PPP1R37: variants seen among roughly 807,000 people sequenced by gnomAD.
The protein encoded by PPP1R37 is protein phosphatase 1 regulatory subunit 37, also known as leucine rich repeat containing 68.
PPP1R37 carries 21 observed loss-of-function variants against 61.0 expected under a neutral mutation model. The observed-to-expected ratio is 0.34, with a 90% CI of 0.24 to 0.50. The LOEUF is 0.50. PPP1R37 is among the 20% of genes least tolerant of loss of function. The pLI is 0.98. For synonymous variants in PPP1R37, 443 were observed against 433.5 expected (o/e 1.02, Z -0.27); for missense variants, 910 against 952.7 (o/e 0.96, Z 0.59).
In PPP1R37 at chr19:45,121,921, C is replaced by T. The variant is rs756864447; in HGVS notation, c.203-16593C>T. Among the ~76,000 whole-genome samples the T allele has an allele frequency of 3.7e-4, 57 of 152,116 alleles. No homozygotes were observed. Among genetic ancestry groups the T allele is most frequent in the Non-Finnish European group, 7.6e-4 (52 of 68,012 alleles). ...AGCAGCCTGGGGAAGGGCTTGGAGG[C>T]GGGAGTGAGGATGGTCTCCACGTGG... On this transcript the variant is annotated intron_variant, in intron 1 of 12. Coordinates refer to ENST00000221462, the MANE Select transcript of PPP1R37 (RefSeq NM_019121.2). The surrounding 1 kb of genome is among the most constrained non-coding windows in gnomAD (Gnocchi z 4.2).
chr19:45,144,833 C>T (rs995453381), intron 8 of PPP1R37, 21 bp from the exon 9 acceptor site: 1 of 1,518,682 alleles, frequency 6.6e-7, no homozygotes, highest in Admixed American at 2.0e-5. Flanking sequence ...TCCTCCTCAC[C>T]CTCACACCCC....
At chr19:45,120,420 GCA>G (rs1482845602) in intron 1 of PPP1R37, among the ~76,000 whole-genome samples, 1 of 152,116 alleles carries the variant, frequency 6.6e-6, no homozygotes, top group Non-Finnish European at 1.5e-5. Flanking sequence ...CTAAGAGAGC[GCA>G]CACTCATTCT....
At chr19:45,139,133 T>C (rs1480628037) in intron 2 of PPP1R37, among the ~76,000 whole-genome samples, 1 of 151,978 alleles carries the variant, frequency 6.6e-6, no homozygotes. Context: ...GCCAGACTGG[T>C]CTCAAACTCC....
Position 45,145,079 on chromosome 19 carries a change from G to A in PPP1R37, c.1130-15G>A, listed in dbSNP as rs1214583573. ...GGTGTGGGGCCCGTGGCCAGCCCCT[G>A]CGGTGCCCCCCCAGGCGCGGTGGCG... On this transcript the variant is annotated splice_polypyrimidine_tract_variant and intron_variant, in intron 9 of 12. Coordinates refer to ENST00000221462, the MANE Select transcript of PPP1R37 (RefSeq NM_019121.2). 2 of 1,530,968 alleles carry A rather than the reference G, an allele frequency of 1.3e-6. No homozygotes were observed. Among genetic ancestry groups the A allele is most frequent in the Non-Finnish European group, 1.7e-6 (2 of 1,144,672 alleles). The allele number at this position is 1,530,968 out of a possible 1,614,324, so 94.8% of individuals were successfully genotyped here.
chr19:45,140,101 T>C (rs1429312165), intron 2 of PPP1R37, 135 bp from the exon 3 acceptor site: 14 of 709,514 alleles, frequency 2.0e-5, no homozygotes, highest in Non-Finnish European at 7.2e-6. Flanking sequence ...GGGTGGCCTC[T>C]GAGCCTCTGT....
intron 1 of PPP1R37, among the ~76,000 whole-genome samples, chr19:45,104,791 T>C (rs1297790225): frequency 6.6e-6 from 1 of 151,816 alleles, no homozygotes; most frequent in Non-Finnish European, 1.5e-5. Flanking sequence ...CTTGCCATGC[T>C]CTTGCTGGGT....
In PPP1R37 at chr19:45,145,489, C is replaced by G. The variant is rs753816633; in HGVS notation, c.1433C>G (p.Thr478Ser). 27 of 1,534,538 alleles carry G rather than the reference C, an allele frequency of 1.8e-5. No individual in the cohort carries two copies. In the Middle Eastern group the frequency reaches 5.2e-4, roughly 30 times the overall value. Residue 478 changes from threonine to serine, a missense_variant, in exon 11 of 13, where the codon ACC becomes AGC. Around this residue, in one of 3 missense-constraint regions of PPP1R37, gnomAD observed 549 missense variants for 505.1 expected, o/e 1.09. Transcript: ENST00000221462. ...CTGTCGGCCTCCATGCCTGAGACCA[C>G]CGCCACCGAGCCCCAGCCCGACGAC... ...PQLSASMPET[T>S]ATEPQPDDEP... is the part of the protein sequence containing the mutation.
chr19:45,124,673 T>A (rs867559062), intron 1 of PPP1R37, among the ~76,000 whole-genome samples: 1 of 151,856 alleles, frequency 6.6e-6, no homozygotes, highest in Non-Finnish European at 1.5e-5. Context: ...CTGAGTAGGT[T>A]TTGGGGACTG....
chr19:45,125,291 C>T (rs556174204), intron 1 of PPP1R37, among the ~76,000 whole-genome samples: 103 of 151,974 alleles, frequency 6.8e-4, no homozygotes, highest in Middle Eastern at 3.4e-3. Flanking sequence ...GGTGAAACCC[C>T]GTCTCTACTA....
intron 7 of PPP1R37, chr19:45,143,286 C>T (rs757903202): frequency 1.3e-5 from 6 of 462,534 alleles, no homozygotes; most frequent in Middle Eastern, 6.0e-4. Flanking sequence ...CAGAGGTGGT[C>T]ACATTTGAGC....
At chr19:45,101,317 T>G (rs1334238562) in intron 1 of PPP1R37, among the ~76,000 whole-genome samples, 1 of 151,996 alleles carries the variant, frequency 6.6e-6, no homozygotes, top group Non-Finnish European at 1.5e-5. Flanking sequence ...AAGCCAGACT[T>G]AGTTGAGGTA....
chr19:45,142,241 G>T, intron 6 of PPP1R37, 30 bp downstream of exon 6: 1 of 1,533,356 alleles, frequency 6.5e-7, no homozygotes, highest in Non-Finnish European at 8.7e-7. Flanking sequence ...GGGTGAGCAG[G>T]ATGTGCAGCC....
At chr19:45,120,639 T>G (rs1968330495) in intron 1 of PPP1R37, among the ~76,000 whole-genome samples, 1 of 152,150 alleles carries the variant, frequency 6.6e-6, no homozygotes, top group Non-Finnish European at 1.5e-5. Context: ...GCATGTTACT[T>G]TTTTTTGAGA....
intron 1 of PPP1R37, among the ~76,000 whole-genome samples, chr19:45,126,103 A>G (rs769592789): frequency 1.6e-4 from 25 of 152,122 alleles, no homozygotes; most frequent in Non-Finnish European, 2.8e-4. Flanking sequence ...GAGGCCCAGC[A>G]CCGGATTCCC....
intron 1 of PPP1R37, among the ~76,000 whole-genome samples, chr19:45,123,573 G>A (rs769958997): frequency 1.3e-5 from 2 of 152,170 alleles, no homozygotes; most frequent in South Asian, 2.1e-4. Context: ...CCCTCTGTCC[G>A]CTCCCACAGG....
chr19:45,107,328 G>T (rs571354928), intron 1 of PPP1R37, among the ~76,000 whole-genome samples: 2 of 152,038 alleles, frequency 1.3e-5, no homozygotes, highest in East Asian at 1.9e-4. Flanking sequence ...GGAGCCAGGC[G>T]CAGTGGCTCA....
At chr19:45,143,404 T>C (rs1286368646) in intron 7 of PPP1R37, 117 bp from the exon 8 acceptor site, 8 of 624,578 alleles carry the variant, frequency 1.3e-5, no homozygotes, top group Admixed American at 5.2e-5. Context: ...GGGCAAGGCC[T>C]GGGACTGCGG....
intron 1 of PPP1R37, among the ~76,000 whole-genome samples, chr19:45,108,392 T>C (rs771806363): frequency 6.6e-6 from 1 of 150,696 alleles, no homozygotes; most frequent in African/African-American, 2.4e-5. Flanking sequence ...GTATTTTTAG[T>C]AGAGACGGGG....
At chr19:45,099,535 T>A (rs1339376215) in intron 1 of PPP1R37, among the ~76,000 whole-genome samples, 2 of 152,162 alleles carry the variant, frequency 1.3e-5, no homozygotes, top group African/African-American at 2.4e-5. Flanking sequence ...ATCAGGTTAG[T>A]GGTGGTATTG....
Sources: allele counts gnomAD v4.1 joint callset (sites outside exome capture counted in the v4.1 genomes callset), GRCh38; gene constraint gnomAD v4.1.1; regional missense constraint gnomAD v4.1.1; non-coding constraint Gnocchi (gnomAD v3.1); transcripts MANE v1.5; gene names NCBI Gene and HGNC (gene_info 2026-07-23, HGNC 2026-07-21).